The following PIK3C2A variants were observed in gnomAD, a reference collection of about 807,000 sequenced individuals.
The protein encoded by PIK3C2A is phosphatidylinositol-4-phosphate 3-kinase catalytic subunit type 2 alpha.
PIK3C2A carries 97 observed loss-of-function variants against 204.5 expected under a neutral mutation model. The ratio of observed to expected loss-of-function variants is 0.47; its 90% CI spans 0.40 to 0.56. The LOEUF is 0.56. PIK3C2A is among the 20% of genes least tolerant of loss of function. The pLI, the probability that PIK3C2A is intolerant of heterozygous loss-of-function variation, is 0.00. For synonymous variants in PIK3C2A, 653 were observed against 664.4 expected, an observed-to-expected ratio of 0.98 and a Z score of 0.26; for missense variants, 1,735 against 1,969.2, an observed-to-expected ratio of 0.88 and a Z score of 2.25.
chr11:17,126,944 A>G (rs1002010850), intron 13 of PIK3C2A, among the ~76,000 whole-genome samples: 12 of 152,238 alleles, frequency 7.9e-5, no homozygotes, highest in Admixed American at 7.2e-4. Context: ...TGGTGCTTTC[A>G]AGAGCAAGAA....
rs1849108739 is a variant in PIK3C2A, at chr11:17,114,391, T to C, written c.3291A>G (p.Pro1097=). ...QKNKCRLPLK[P]SLVAKELNIK... Reference sequence around the variant, plus strand: ...TATTTAATTCTTTTGCCACTAGACTTGGCTTGAGAGGGAGACGGCATTTAT... The same window carrying C: ...TATTTAATTCTTTTGCCACTAGACTCGGCTTGAGAGGGAGACGGCATTTAT... The change falls in exon 20 of 33, where the codon CCA becomes CCG. Residue 1097 remains proline (P), a synonymous_variant. Transcript: ENST00000691414. 5 of 1,575,686 alleles carry C rather than the reference T, an allele frequency of 3.2e-6. 1 individual carries two copies. The Admixed American group carries it at 8.3e-5, about 26-fold the overall frequency.
At chr11:17,130,697 C>T (rs1849663739) in intron 12 of PIK3C2A, among the ~76,000 whole-genome samples, 1 of 150,974 alleles carries the variant, frequency 6.6e-6, no homozygotes, top group Non-Finnish European at 1.5e-5. Context: ...ATCTCAGCTA[C>T]TCAGGAGGCT....
chr11:17,142,719 T>A (rs982166851), intron 8 of PIK3C2A, among the ~76,000 whole-genome samples: 2 of 152,062 alleles, frequency 1.3e-5, no homozygotes, highest in Non-Finnish European at 2.9e-5. Context: ...CACCCTGTCA[T>A]CCATCCATCC....
intron 1 of PIK3C2A, among the ~76,000 whole-genome samples, chr11:17,190,469 G>T (rs1262444592): frequency 6.6e-6 from 1 of 151,388 alleles, no homozygotes; most frequent in Non-Finnish European, 1.5e-5. Context: ...TACTCAGGAG[G>T]CTGAGACAGG....
At chr11:17,129,540 T>C (rs527652750) in intron 12 of PIK3C2A, 73 bp from the exon 13 acceptor site, 4 of 900,148 alleles carry the variant, frequency 4.4e-6, no homozygotes, top group Non-Finnish European at 7.1e-6. Flanking sequence ...TTAATGAGAC[T>C]GACAATTTTA....
At chr11:17,090,905 A>G (rs1848291221) in intron 32 of PIK3C2A, among the ~76,000 whole-genome samples, 1 of 150,978 alleles carries the variant, frequency 6.6e-6, no homozygotes, top group Non-Finnish European at 1.5e-5. Flanking sequence ...ATGCCTAGCT[A>G]ATTTTTTTCT....
At chr11:17,138,134 CA>C in intron 8 of PIK3C2A, 1 of 775,216 alleles carries the variant, frequency 1.3e-6, no homozygotes, top group Non-Finnish European at 2.2e-6. Context: ...TGGACAATCT[CA>C]TAAGGGCTTT....
At chr11:17,102,927 A>G in intron 23 of PIK3C2A, 96 bp from the exon 24 acceptor site, 1 of 746,914 alleles carries the variant, frequency 1.3e-6, no homozygotes, top group South Asian at 2.0e-5. Flanking sequence ...CTTTAAAAAC[A>G]CTATTGTAAT....
intron 15 of PIK3C2A, among the ~76,000 whole-genome samples, chr11:17,120,998 G>A (rs1436505196): frequency 6.6e-6 from 1 of 152,080 alleles, no homozygotes; most frequent in Non-Finnish European, 1.5e-5. Context: ...GATTACAGGT[G>A]TGAGCCACCA....
intron 1 of PIK3C2A, among the ~76,000 whole-genome samples, chr11:17,189,775 T>C (rs577985562): frequency 7.7e-6 from 1 of 129,746 alleles, no homozygotes; most frequent in Admixed American, 9.8e-5. Context: ...ATTGAGCCAC[T>C]GCACTCCAGC....
chr11:17,178,816 G>A (rs529120917), intron 1 of PIK3C2A, among the ~76,000 whole-genome samples: 4 of 142,764 alleles, frequency 2.8e-5, no homozygotes, highest in Admixed American at 2.2e-4. Flanking sequence ...TGCAAGCTCC[G>A]CTTCCCGGGT....
intron 1 of PIK3C2A, among the ~76,000 whole-genome samples, chr11:17,194,974 A>C (rs142096373): frequency 2.0e-5 from 3 of 152,242 alleles, no homozygotes; most frequent in Non-Finnish European, 2.9e-5. Flanking sequence ...TTAACTTGTA[A>C]AGTTTAATTC....
intron 26 of PIK3C2A, among the ~76,000 whole-genome samples, chr11:17,098,672 T>C (rs1848525029): frequency 6.6e-6 from 1 of 152,200 alleles, no homozygotes; most frequent in African/African-American, 2.4e-5. Context: ...TGGAAGGCTA[T>C]ACAAAAGTCA....
intron 1 of PIK3C2A, among the ~76,000 whole-genome samples, chr11:17,188,228 A>G (rs951745015): frequency 7.7e-6 from 1 of 130,246 alleles, no homozygotes; most frequent in Non-Finnish European, 1.5e-5. Flanking sequence ...ATCTGCAGCT[A>G]CTCAGGAGTC....
At chr11:17,154,207 C>G (rs946289384) in intron 3 of PIK3C2A, among the ~76,000 whole-genome samples, 16 of 152,034 alleles carry the variant, frequency 1.1e-4, no homozygotes, top group Non-Finnish European at 2.9e-5. Context: ...TCTCAACTTG[C>G]AAAGCTTAAA....
At chr11:17,165,679 G>A (rs1313993152) in intron 2 of PIK3C2A, among the ~76,000 whole-genome samples, 1 of 150,108 alleles carries the variant, frequency 6.7e-6, no homozygotes, top group Non-Finnish European at 1.5e-5. Context: ...GGAGGCTGAG[G>A]CAATAGAATC....
chr11:17,169,848 A>G, intron 1 of PIK3C2A, 42 bp from the exon 2 acceptor site: 1 of 754,624 alleles, frequency 1.3e-6, no homozygotes, highest in Non-Finnish European at 2.1e-6. Flanking sequence ...AGATTTCTAA[A>G]CATAAATATA....
chr11:17,093,711 C>T (rs1446047362), intron 28 of PIK3C2A, among the ~76,000 whole-genome samples: 1 of 151,470 alleles, frequency 6.6e-6, no homozygotes, highest in East Asian at 1.9e-4. Context: ...GATCTTCGCT[C>T]ACTGCAACCT....
chr11:17,147,584 T>C lies in PIK3C2A; in HGVS notation c.1493A>G (p.Lys498Arg). The C allele has an allele frequency of 1.2e-6, 2 of 1,611,440 alleles. No individual in the cohort carries two copies. The highest frequency in any genetic ancestry group is 1.7e-6 in the Non-Finnish European group (2 of 1,177,624). The change falls in exon 6 of 33, where the codon AAA (lysine) becomes AGA (arginine). Residue 498 changes from lysine to arginine, a missense_variant. Around this residue, in one of 6 missense-constraint regions of PIK3C2A, gnomAD observed 13 missense variants for 41.1 expected, o/e 0.32. Coordinates refer to ENST00000691414, the MANE Select transcript of PIK3C2A (RefSeq NM_002645.4). ...TTGTAGTCTAATTTCTGTGTCCCAT[T>C]TTCGACAGTTTTGAATATGCTCATG... ...GSHEHIQNCR[K>R]WDTEIRLQLL...
Sources: gnomAD v4.1 joint callset for allele counts (sites outside exome capture counted in the v4.1 genomes callset) on GRCh38, gnomAD v4.1.1 for gene constraint, gnomAD v4.1.1 regional missense constraint, MANE v1.5 for transcripts, NCBI Gene and HGNC (gene_info 2026-07-23, HGNC 2026-07-21) for gene names.